PADI4: variants seen among roughly 807,000 people sequenced by gnomAD.
PADI4 encodes protein-arginine deiminase type-4.
A neutral mutation model predicts 75.0 loss-of-function variants in PADI4; 62 were observed. That is an observed-to-expected ratio of 0.83 (90% confidence interval 0.67 to 1.02). PADI4 has a LOEUF of 1.02. Ranked by LOEUF, PADI4 falls within the 50% of genes least tolerant of loss-of-function variation. The pLI is 0.00. For missense variants in PADI4, 845 were observed against 850.5 expected, an observed-to-expected ratio of 0.99 and a Z score of 0.08; for synonymous variants, 361 against 348.1, an observed-to-expected ratio of 1.04 and a Z score of -0.41.
At chr1:17,345,510 G>A (rs960829837) in intron 8 of PADI4, among the ~76,000 whole-genome samples, 3 of 152,186 alleles carry the variant, frequency 2.0e-5, no homozygotes, top group Non-Finnish European at 4.4e-5. Context: ...ATCTCATCTT[G>A]ACATGTACTC....
chr1:17,357,564 G>C (rs1228008201), intron 13 of PADI4, among the ~76,000 whole-genome samples: 1 of 152,162 alleles, frequency 6.6e-6, no homozygotes, highest in Non-Finnish European at 1.5e-5. Context: ...TTTCTGAGCT[G>C]TCTGTCCTGC....
chr1:17,339,938 A>C, intron 6 of PADI4, 125 bp downstream of exon 6: 5 of 1,040,294 alleles, frequency 4.8e-6, no homozygotes, highest in Non-Finnish European at 7.0e-6. Flanking sequence ...CAGCAGACGC[A>C]GCAGTGGGCA....
chr1:17,311,585 CAA>C (rs2073830038), intron 1 of PADI4, among the ~76,000 whole-genome samples: 1 of 151,304 alleles, frequency 6.6e-6, no homozygotes, highest in Non-Finnish European at 1.5e-5. Flanking sequence ...AGTGCAGTGG[CAA>C]GATCTTGGCT....
chr1:17,311,815 G>A (rs1019788958), intron 1 of PADI4, among the ~76,000 whole-genome samples: 29 of 152,182 alleles, frequency 1.9e-4, no homozygotes, highest in African/African-American at 5.3e-4. Flanking sequence ...TTGAGCCACC[G>A]CGCCCAGCCG....
At chr1:17,325,514 T>C (rs2074103901) in intron 1 of PADI4, among the ~76,000 whole-genome samples, 2 of 152,152 alleles carry the variant, frequency 1.3e-5, no homozygotes, top group African/African-American at 4.8e-5. Context: ...TCTTTTTATT[T>C]ATTTTTAATT....
intron 1 of PADI4, among the ~76,000 whole-genome samples, chr1:17,309,190 A>G (rs1478855425): frequency 1.5e-5 from 2 of 137,662 alleles, no homozygotes; most frequent in Non-Finnish European, 3.2e-5. Flanking sequence ...AAAAAAAAAG[A>G]GCTGGAGTCC....
intron 1 of PADI4, among the ~76,000 whole-genome samples, chr1:17,315,059 G>A (rs575229392): frequency 3.9e-4 from 59 of 152,324 alleles, no homozygotes; most frequent in African/African-American, 1.3e-3. Flanking sequence ...GGAGCAGGTG[G>A]GAAAGCCACC....
At chr1:17,311,088 C>G (rs1399915657) in intron 1 of PADI4, among the ~76,000 whole-genome samples, 1 of 148,752 alleles carries the variant, frequency 6.7e-6, no homozygotes, top group African/African-American at 2.5e-5. Context: ...CACAGTGAGT[C>G]TCCGTCTCAA....
chr1:17,321,762 T>C (rs115163233), intron 1 of PADI4, among the ~76,000 whole-genome samples: 2,072 of 152,288 alleles, frequency 0.014, 54 homozygotes, highest in African/African-American at 0.047. Flanking sequence ...ATGACCAAGA[T>C]GAGTGTCAAT....
At chr1:17,362,644 A>G (rs899163135) in intron 15 of PADI4, among the ~76,000 whole-genome samples, 2 of 152,150 alleles carry the variant, frequency 1.3e-5, no homozygotes, top group Non-Finnish European at 2.9e-5. Context: ...CCAGTAATCA[A>G]TATACCCATG....
chr1:17,344,545 A>T (rs1020375494), intron 8 of PADI4, among the ~76,000 whole-genome samples: 5 of 152,176 alleles, frequency 3.3e-5, no homozygotes, highest in African/African-American at 1.2e-4. Context: ...CTAGGAGAAA[A>T]TGGTTTCGTA....
In PADI4 at chr1:17,356,890, G is replaced by A. The variant is rs191928253; in HGVS notation, c.1558+431G>A. Among the ~76,000 whole-genome samples the A allele has an allele frequency of 6.6e-6, 1 of 152,314 alleles. No individual in the cohort carries two copies. Among genetic ancestry groups the A allele is most frequent in the East Asian group, 1.9e-4 (1 of 5,180 alleles). ...CGATGTGTGTGAGGACCTCGGGGAG[G>A]TTCGGTATAGCTGGAGCACAGATGA... On this transcript the variant is annotated intron_variant, in intron 13 of 15. Coordinates refer to ENST00000375448, the MANE Select transcript of PADI4 (RefSeq NM_012387.3). The surrounding 1 kb of genome is among the most constrained non-coding windows in gnomAD (Gnocchi z 4.1).
chr1:17,361,299 C>T (rs981374907), intron 15 of PADI4, among the ~76,000 whole-genome samples: 4 of 152,248 alleles, frequency 2.6e-5, no homozygotes, highest in African/African-American at 7.2e-5. Context: ...TTTTGTTTCC[C>T]TCCAGTTTGG....
At chr1:17,319,576 T>G (rs2073999594) in intron 1 of PADI4, among the ~76,000 whole-genome samples, 1 of 152,168 alleles carries the variant, frequency 6.6e-6, no homozygotes, top group African/African-American at 2.4e-5. Flanking sequence ...GTTTCCTATT[T>G]GTTAAAAGAA....
At chr1:17,319,562 A>G (rs377722357) in intron 1 of PADI4, among the ~76,000 whole-genome samples, 1 of 152,312 alleles carries the variant, frequency 6.6e-6, no homozygotes, top group South Asian at 2.1e-4. Context: ...CAGAGGGTGT[A>G]TTAGTTTCCT....
Position 17,354,613 on chromosome 1 carries a change from G to A in PADI4, c.1236G>A (p.Val412=). The stretch of plus-strand genomic sequence containing the variant: ...TGGACTCCTTTGGGAACCTGGAAGT[G>A]AGCCCCCCAGTCACAGTCAGGGGCA... The part of the protein sequence containing the change: ...SGLDSFGNLE[V]SPPVTVRGKE... Residue 412 remains valine (V), a synonymous_variant, in exon 11 of 16, where the codon GTG becomes GTA. Coordinates refer to ENST00000375448, the MANE Select transcript of PADI4 (RefSeq NM_012387.3). 1 of 1,614,126 alleles carries A rather than the reference G, an allele frequency of 6.2e-7. No homozygotes were observed. Among genetic ancestry groups the A allele is most frequent in the Non-Finnish European group, 8.5e-7 (1 of 1,179,976 alleles).
At position 17,333,989 on chromosome 1, in the gene PADI4, TA is replaced by T; in HGVS notation, c.321del (p.Leu108SerfsTer20). 3.1e-6 allele frequency: 5 copies of T among 1,611,884 alleles called. No individual in the cohort carries two copies. The highest frequency in any genetic ancestry group is 4.2e-6 in the Non-Finnish European group (5 of 1,177,966). On this transcript the variant is annotated frameshift_variant, in exon 3 of 16. Coordinates refer to ENST00000375448, the MANE Select transcript of PADI4 (RefSeq NM_012387.3). LOFTEE classifies it high-confidence loss of function. ...YGPKTPPVKALLYLTGVEISL... is the reference protein window; with the variant it reads ...YGPKTPPVKAXLYLTGVEISL... ...CCCAAGACTCCACCAGTCAAAGCTC[TA>T]CTCTACCTCACCGGGGTGGGTAAGT... is the stretch of plus-strand genomic sequence containing the variant.
At chr1:17,347,061 C>T (rs577003365) in intron 9 of PADI4, among the ~76,000 whole-genome samples, 53 of 152,190 alleles carry the variant, frequency 3.5e-4, no homozygotes, top group African/African-American at 1.2e-3. Context: ...CCTCAGCCTC[C>T]TGAGTAGCTG....
chr1:17,327,708 A>ATTTTTGTAT (rs1431477042), intron 1 of PADI4, among the ~76,000 whole-genome samples: 1 of 151,478 alleles, frequency 6.6e-6, no homozygotes, highest in Non-Finnish European at 1.5e-5. Flanking sequence ...TGCCCAGCTA[A>ATTTTTGTAT]TTTTTGTATT....
Sources: gnomAD v4.1 joint callset for allele counts (sites outside exome capture counted in the v4.1 genomes callset) on GRCh38, gnomAD v4.1.1 for gene constraint, Gnocchi (gnomAD v3.1) non-coding constraint, MANE v1.5 for transcripts, NCBI Gene and HGNC (gene_info 2026-07-23, HGNC 2026-07-21) for gene names.